INPP4B: variants seen among roughly 807,000 people sequenced by gnomAD.
INPP4B encodes the protein inositol polyphosphate-4-phosphatase type II B.
INPP4B carries 55 observed loss-of-function variants against 122.5 expected under a neutral mutation model. That is an observed-to-expected ratio of 0.45 (90% CI 0.36 to 0.56). INPP4B has a LOEUF of 0.56. Among genes scored for constraint, INPP4B ranks in the 20% least tolerant of loss-of-function variants. INPP4B has a pLI of 0.00. For synonymous variants in INPP4B, 403 were observed against 388.7 expected, an observed-to-expected ratio of 1.04 and a Z score of -0.43; for missense variants, 1,000 against 1,097.7, an observed-to-expected ratio of 0.91 and a Z score of 1.26.
chr4:142,294,232 T>C (rs1158164292), intron 9 of INPP4B, among the ~76,000 whole-genome samples: 1 of 152,158 alleles, frequency 6.6e-6, no homozygotes, highest in African/African-American at 2.4e-5. Context: ...AAATAAAACC[T>C]CACTGGAAGC....
chr4:142,075,015 A>G (rs1350794063), intron 25 of INPP4B, among the ~76,000 whole-genome samples: 2 of 152,012 alleles, frequency 1.3e-5, no homozygotes, highest in African/African-American at 2.4e-5. Flanking sequence ...AACACTTTCT[A>G]TGCTCTGGAC....
At chr4:142,522,850 G>C (rs1826280757) in intron 2 of INPP4B, among the ~76,000 whole-genome samples, 1 of 152,012 alleles carries the variant, frequency 6.6e-6, no homozygotes, top group South Asian at 2.1e-4. Context: ...TTATCTAATA[G>C]TATTATTTAA....
chr4:142,609,639 A>G (rs1185056926), intron 2 of INPP4B, among the ~76,000 whole-genome samples: 1 of 152,156 alleles, frequency 6.6e-6, no homozygotes, highest in African/African-American at 2.4e-5. Context: ...ATGTTTCTCC[A>G]AAAAAAGCTT....
intron 25 of INPP4B, among the ~76,000 whole-genome samples, chr4:142,031,351 T>C (rs947452679): frequency 6.6e-6 from 1 of 152,204 alleles, no homozygotes; most frequent in Non-Finnish European, 1.5e-5. Flanking sequence ...CCATGGCTGA[T>C]TTCTAGTCCT....
intron 1 of INPP4B, among the ~76,000 whole-genome samples, chr4:142,812,250 C>G (rs1395267291): frequency 6.6e-6 from 1 of 152,088 alleles, no homozygotes; most frequent in African/African-American, 2.4e-5. Flanking sequence ...GGTATTTTAG[C>G]CTTGACAGTG....
intron 3 of INPP4B, among the ~76,000 whole-genome samples, chr4:142,432,249 G>A (rs557095175): frequency 1.6e-4 from 24 of 152,144 alleles, no homozygotes; most frequent in African/African-American, 5.3e-4. Flanking sequence ...GCCCAATGCC[G>A]TTTAATGAGA....
intron 9 of INPP4B, among the ~76,000 whole-genome samples, chr4:142,288,729 A>G (rs993521942): frequency 3.9e-5 from 6 of 152,260 alleles, no homozygotes; most frequent in Admixed American, 2.0e-4. Flanking sequence ...TCTCTGAAAC[A>G]TAACAGCGAT....
At chr4:142,329,082 A>G (rs968285877) in intron 7 of INPP4B, among the ~76,000 whole-genome samples, 6 of 152,252 alleles carry the variant, frequency 3.9e-5, no homozygotes, top group African/African-American at 1.4e-4. Flanking sequence ...ATGGTCATGA[A>G]CAAGGAATAA....
intron 2 of INPP4B, among the ~76,000 whole-genome samples, chr4:142,551,169 T>G (rs1727895138): frequency 6.6e-6 from 1 of 152,160 alleles, no homozygotes; most frequent in Admixed American, 6.5e-5. Flanking sequence ...ACATTCTTTC[T>G]CTGGCAACAG....
At chr4:142,153,397 C>A (rs1007888975) in intron 17 of INPP4B, among the ~76,000 whole-genome samples, 4 of 152,104 alleles carry the variant, frequency 2.6e-5, no homozygotes, top group African/African-American at 9.7e-5. Flanking sequence ...GAAACAATAT[C>A]TCATTATTCA....
intron 2 of INPP4B, among the ~76,000 whole-genome samples, chr4:142,490,371 G>T (rs560466068): frequency 8.0e-4 from 122 of 152,130 alleles, no homozygotes; most frequent in African/African-American, 2.7e-3. Context: ...TTACAGGCCT[G>T]AACCACCTGT....
chr4:142,149,702 G>A (rs148761744), intron 17 of INPP4B, among the ~76,000 whole-genome samples: 56 of 152,312 alleles, frequency 3.7e-4, no homozygotes, highest in Non-Finnish European at 6.3e-4. Flanking sequence ...TCTACAAAAT[G>A]AACTGGCTGG....
intron 7 of INPP4B, among the ~76,000 whole-genome samples, chr4:142,399,157 T>C (rs1800741987): frequency 1.3e-5 from 2 of 149,950 alleles, no homozygotes; most frequent in African/African-American, 2.4e-5. Context: ...AGTTTTATGG[T>C]GATGTTCTTT....
intron 1 of INPP4B, among the ~76,000 whole-genome samples, chr4:142,748,082 A>T (rs1158125115): frequency 6.6e-6 from 1 of 152,154 alleles, no homozygotes; most frequent in East Asian, 1.9e-4. Flanking sequence ...ACTGAAATTA[A>T]CTTAAAAATC....
At chr4:142,616,118 A>G (rs1405426301) in intron 2 of INPP4B, among the ~76,000 whole-genome samples, 2 of 151,860 alleles carry the variant, frequency 1.3e-5, no homozygotes, top group Admixed American at 6.6e-5. Flanking sequence ...CATAAAAACA[A>G]AGATTGACAT....
intron 2 of INPP4B, among the ~76,000 whole-genome samples, chr4:142,694,396 A>G (rs181691285): frequency 5.9e-5 from 9 of 151,964 alleles, no homozygotes; most frequent in African/African-American, 2.2e-4. Context: ...AAAAAGAAAA[A>G]AAGAAAAAAA....
chr4:142,719,521 G>T (rs1035477621), intron 2 of INPP4B, among the ~76,000 whole-genome samples: 1 of 151,618 alleles, frequency 6.6e-6, no homozygotes, highest in South Asian at 2.1e-4. Flanking sequence ...ATGGGGTTTC[G>T]CGATGTTGCC....
At chr4:142,273,975 C>T (rs568325481) in intron 9 of INPP4B, among the ~76,000 whole-genome samples, 1 of 151,982 alleles carries the variant, frequency 6.6e-6, no homozygotes, top group South Asian at 2.1e-4. Flanking sequence ...ACAAAGAATA[C>T]AGGTATCCAC....
At chr4:142,663,934 T>A (rs1478000237) in intron 2 of INPP4B, among the ~76,000 whole-genome samples, 1 of 152,196 alleles carries the variant, frequency 6.6e-6, no homozygotes, top group African/African-American at 2.4e-5. Context: ...AGTAATTACC[T>A]TGGGAAAATA....
Sources: allele counts gnomAD v4.1 joint callset (sites outside exome capture counted in the v4.1 genomes callset), GRCh38; gene constraint gnomAD v4.1.1; transcripts MANE v1.5; gene names NCBI Gene and HGNC (gene_info 2026-07-23, HGNC 2026-07-21).